The following CENPN variants were observed in gnomAD, a reference collection of about 807,000 sequenced individuals.
CENPN encodes the protein centromere protein N.
A neutral mutation model predicts 48.6 loss-of-function variants in CENPN; 36 were observed. The observed-to-expected ratio is 0.74, with a 90% CI of 0.57 to 0.98. The LOEUF (loss-of-function observed/expected upper bound fraction) is 0.98, where lower values mean the gene tolerates loss of function less well. CENPN is among the 50% of genes least tolerant of loss of function. The pLI is 0.00. For synonymous variants in CENPN, 166 were observed against 135.2 expected (o/e 1.23, Z -1.58); for missense variants, 439 against 399.2 (o/e 1.10, Z -0.85).
chr16:81,007,537 G>A (rs1164311115), intron 1 of CENPN: 1 of 152,262 alleles, frequency 6.6e-6, no homozygotes, highest in South Asian at 2.1e-4. Context: ...CTGCGTCAGG[G>A]GAGGGCCGTG....
rs1346627437 is a variant in CENPN, at chr16:81,024,783, G to A, written c.697+5G>A. On this transcript the variant is annotated splice_donor_5th_base_variant and intron_variant, in intron 8 of 10. Transcript: ENST00000305850. ...GCCTTGGACTAGATATAAATAGTAC[G>A]TGTGTGTTAATATGAAACTGAATTT... 15 of 1,586,608 alleles carry A rather than the reference G, an allele frequency of 9.5e-6. No homozygotes were observed. Among genetic ancestry groups the A allele is most frequent in the African/African-American group, 1.4e-5 (1 of 74,022 alleles).
At chr16:81,027,624 CAGT>C (rs772495931) in intron 9 of CENPN, among the ~76,000 whole-genome samples, 5 of 152,204 alleles carry the variant, frequency 3.3e-5, no homozygotes, top group Non-Finnish European at 7.3e-5. Context: ...AACTGACAGT[CAGT>C]ATCTCCCATG....
downstream of CENPN, chr16:81,032,420 G>A (rs1326934285): frequency 1.5e-6 from 1 of 684,652 alleles, no homozygotes; most frequent in African/African-American, 1.8e-5. Context: ...TATGAAAAAG[G>A]GTATATAAGC....
At position 81,028,288 on chromosome 16, in the gene CENPN, G is replaced by C; in HGVS notation, c.928G>C (p.Ala310Pro). The change falls in exon 10 of 11, where the codon GCA becomes CCA. Residue 310 changes from alanine to proline, a missense_variant. Ala to Pro is a conservative substitution (Grantham distance 27, BLOSUM62 -1). Coordinates refer to ENST00000305850, the MANE Select transcript of CENPN (RefSeq NM_001100624.3). ...TCTTCTGGAAGCATTGAAATCCTTA[G>C]CACCAGCGGGTGAGTGGTCAGCTTA... ...PHLLEALKSL[A>P]PAGIADAPLS... 1 of 1,614,080 alleles carries C rather than the reference G, an allele frequency of 6.2e-7. No homozygotes were observed. Among genetic ancestry groups the C allele is most frequent in the Non-Finnish European group, 8.5e-7 (1 of 1,179,972 alleles).
At chr16:81,022,776 A>G (rs1427802934) in intron 7 of CENPN, 78 bp downstream of exon 7, 2 of 1,614,000 alleles carry the variant, frequency 1.2e-6, no homozygotes, top group Non-Finnish European at 8.5e-7. Context: ...TACTGGGAAA[A>G]TCTACCTCCG....
intron 8 of CENPN, among the ~76,000 whole-genome samples, chr16:81,025,082 A>G (rs759998081): frequency 6.6e-6 from 1 of 152,208 alleles, no homozygotes; most frequent in South Asian, 2.1e-4. Flanking sequence ...TCTTTCCTTA[A>G]TCTTCACAGT....
At chr16:81,014,257 C>CCCTGTCTCACAAAG in intron 3 of CENPN, 76 bp downstream of exon 3, 1 of 1,258,374 alleles carries the variant, frequency 7.9e-7, no homozygotes, top group Non-Finnish European at 1.2e-6. Flanking sequence ...CTTTGTGAGA[C>CCCTGTCTCACAAAG]AGGGTCTCCC....
At chr16:81,026,159 A>ATATATATGTGTATATATATGTGTGTG (rs1567555466) in intron 8 of CENPN, among the ~76,000 whole-genome samples, 10 of 110,870 alleles carry the variant, frequency 9.0e-5, no homozygotes, top group African/African-American at 2.5e-4. Context: ...ATATATGTGT[A>ATATATATGTGTATATATATGTGTGTG]TATATATGTG....
intron 1 of CENPN, among the ~76,000 whole-genome samples, chr16:81,011,031 G>T (rs9924701): frequency 0.019 from 2,943 of 152,244 alleles, 91 homozygotes; most frequent in African/African-American, 0.066. Context: ...AGTGATCCCC[G>T]CAGTGCCTTT....
Position 81,029,252 on chromosome 16 carries a change from T to A in CENPN, c.*601T>A. ...ATACTTCTCATAATCTATTTTATCA[T>A]GTGTATAACATTCAAACTGACAAAT... On this transcript the variant is annotated 3_prime_UTR_variant, in exon 11 of 11. Coordinates refer to ENST00000305850, the MANE Select transcript of CENPN (RefSeq NM_001100624.3). 1.1e-6 allele frequency: 1 copy of A among 912,408 alleles called. No homozygotes were observed. The highest frequency in any genetic ancestry group is 1.3e-6 in the Non-Finnish European group (1 of 763,490). The allele number at this position is 912,408 out of a possible 1,614,324, so 56.5% of individuals were successfully genotyped here.
In CENPN at chr16:81,029,817, T is replaced by G. The variant is rs1970686026; in HGVS notation, c.*1166T>G. Among the ~76,000 whole-genome samples the G allele has an allele frequency of 6.6e-6, 1 of 152,166 alleles. No homozygotes were observed. Among genetic ancestry groups the G allele is most frequent in the African/African-American group, 2.4e-5 (1 of 41,438 alleles). On this transcript the variant is annotated 3_prime_UTR_variant, in exon 11 of 11. Coordinates refer to ENST00000305850, the MANE Select transcript of CENPN (RefSeq NM_001100624.3). ...CTCAAACTCCTGGGCTCAAGCAATC[T>G]GCCCATTTTAGCCTCCTAAAATGCT...
Position 81,030,367 on chromosome 16 carries a change from G to T in CENPN, c.*1716G>T. On this transcript the variant is annotated 3_prime_UTR_variant, in exon 11 of 11. Transcript: ENST00000305850. ...CCAGCACTTCAGGAGGTTTCTCCTA[G>T]TGTACTCTCACACTTCTGATACCAG... 1 of 985,398 alleles carries T rather than the reference G, an allele frequency of 1.0e-6. No homozygotes were observed. Among genetic ancestry groups the T allele is most frequent in the Non-Finnish European group, 1.2e-6 (1 of 829,900 alleles). 61.0% of individuals were successfully genotyped at this position (985,398 alleles called of 1,614,324 possible). A position where few individuals can be genotyped will look rare whatever the true frequency, so the allele number is the denominator to read the frequency against.
At chr16:81,033,055 A>G (rs1232178733), downstream of CENPN, 1 of 161,942 alleles carries the variant, frequency 6.2e-6, no homozygotes, top group Non-Finnish European at 1.3e-5. Flanking sequence ...GGAGTTGGGA[A>G]GCCATTCTAA....
intron 5 of CENPN, among the ~76,000 whole-genome samples, chr16:81,019,021 G>C (rs934394845): frequency 3.3e-5 from 5 of 152,196 alleles, no homozygotes; most frequent in African/African-American, 4.8e-5. Context: ...GGAAAGGCCT[G>C]TATTTTATCC....
In CENPN at chr16:81,030,923, C is replaced by T. The variant is rs555014639; in HGVS notation, c.*2272C>T. Reference sequence around the variant, plus strand: ...AATTAGCTGGGCCTGGTGGTGTGCACCTGTAATCCCAGCTACTTAGGAGGC... The same window carrying T: ...AATTAGCTGGGCCTGGTGGTGTGCATCTGTAATCCCAGCTACTTAGGAGGC... On this transcript the variant is annotated 3_prime_UTR_variant, in exon 11 of 11. Coordinates refer to ENST00000305850, the MANE Select transcript of CENPN (RefSeq NM_001100624.3). 4 of 152,022 alleles carry T rather than the reference C, an allele frequency of 2.6e-5. No homozygotes were observed. The highest frequency in any genetic ancestry group is 9.7e-5 in the African/African-American group (4 of 41,400). The allele number at this position is 152,022 out of a possible 1,614,324, so 9.4% of individuals were successfully genotyped here.
At chr16:81,016,195 T>C (rs12928638) in intron 3 of CENPN, among the ~76,000 whole-genome samples, 21,831 of 152,058 alleles carry the variant, frequency 0.14, 1,637 homozygotes, top group East Asian at 0.26. Context: ...CATATACTTA[T>C]TCATTCATTC....
chr16:81,029,217 TG>T lies in CENPN; in HGVS notation c.*567del. Reference sequence around the variant, plus strand: ...CAGTTATATAAAATAGTGTTCTTATTGTAAATATGATACTTCTCATAATCTA... The same window carrying T: ...CAGTTATATAAAATAGTGTTCTTATTTAAATATGATACTTCTCATAATCTA... On this transcript the variant is annotated 3_prime_UTR_variant, in exon 11 of 11. Coordinates refer to ENST00000305850, the MANE Select transcript of CENPN (RefSeq NM_001100624.3). 1 of 929,002 alleles carries T rather than the reference TG, an allele frequency of 1.1e-6. No homozygotes were observed. The highest frequency in any genetic ancestry group is 1.3e-6 in the Non-Finnish European group (1 of 778,638). The allele number at this position is 929,002 out of a possible 1,614,324, so 57.5% of individuals were successfully genotyped here.
rs1970603643 is a variant in CENPN at position 81,028,286 on chromosome 16, T to C, written c.926T>C (p.Leu309Ser). Residue 309 changes from leucine (L) to serine (S), a missense_variant, in exon 10 of 11, where the codon TTA becomes TCA. Physicochemically the swap from Leu to Ser is moderately radical, Grantham distance 145. Transcript: ENST00000305850. ...CATCTTCTGGAAGCATTGAAATCCT[T>C]AGCACCAGCGGGTGAGTGGTCAGCT... ...SPHLLEALKS[L>S]APAGIADAPL... The C allele has an allele frequency of 6.2e-7, 1 of 1,614,022 alleles. No individual in the cohort carries two copies. The highest frequency in any genetic ancestry group is 8.5e-7 in the Non-Finnish European group (1 of 1,179,992).
intron 7 of CENPN, chr16:81,023,523 T>C (rs1344075829): frequency 1.3e-5 from 2 of 152,116 alleles, no homozygotes; most frequent in East Asian, 1.9e-4. Flanking sequence ...AGACCACATC[T>C]CTACAAAACA....
Sources: allele counts gnomAD v4.1 joint callset (sites outside exome capture counted in the v4.1 genomes callset), GRCh38; gene constraint gnomAD v4.1.1; transcripts MANE v1.5; gene names NCBI Gene and HGNC (gene_info 2026-07-23, HGNC 2026-07-21).